Variants in KLRG1 observed in about 807,000 individuals in gnomAD.
KLRG1 encodes the protein killer cell lectin-like receptor subfamily G member 1.
KLRG1 carries 16 observed loss-of-function variants against 21.8 expected under a neutral mutation model. The ratio of observed to expected loss-of-function variants is 0.73; its 90% CI spans 0.50 to 1.11. The LOEUF is 1.11. Among genes scored for constraint, KLRG1 ranks in the 50% most tolerant of loss-of-function variants. KLRG1 has a pLI of 0.00. For missense variants in KLRG1, 173 were observed against 218.3 expected (o/e 0.79, Z 1.31); for synonymous variants, 69 against 75.9 (o/e 0.91, Z 0.47).
chr12:9,190,060 C>G, the KLRG1 span, among the ~76,000 whole-genome samples: 1 of 152,044 alleles, frequency 6.6e-6, no homozygotes, highest in Non-Finnish European at 1.5e-5. Flanking sequence ...TAAATTAGTT[C>G]AGCCATTATG....
At chr12:9,176,263 T>C in the KLRG1 span, among the ~76,000 whole-genome samples, 1 of 151,922 alleles carries the variant, frequency 6.6e-6, no homozygotes, top group Non-Finnish European at 1.5e-5. Context: ...ATGATGAGAA[T>C]ACATGGGGGA....
chr12:8,980,104 T>G (rs1946730229), intron 1 of KLRG1, among the ~76,000 whole-genome samples: 2 of 152,110 alleles, frequency 1.3e-5, no homozygotes, highest in East Asian at 3.8e-4. Context: ...TTTCACCATG[T>G]TAGCCAGGCT....
At chr12:9,077,491 G>T in the KLRG1 span, 3 of 1,501,756 alleles carry the variant, frequency 2.0e-6, no homozygotes, top group African/African-American at 1.4e-5. Context: ...TTTCTATTCT[G>T]CTGTGTCATG....
chr12:9,009,863 T>G lies in KLRG1; in HGVS notation c.*326T>G. The stretch of plus-strand genomic sequence containing the variant: ...AACCATCTCTGTCAAAAATATACCT[T>G]TTTCATATGATATTCTGAGCTAATC... On this transcript the variant is annotated 3_prime_UTR_variant, in exon 5 of 5. Transcript: ENST00000356986. 1 of 1,476,620 alleles carries G rather than the reference T, an allele frequency of 6.8e-7. No homozygotes were observed. Among genetic ancestry groups the G allele is most frequent in the East Asian group, 2.5e-5 (1 of 39,710 alleles). The allele number at this position is 1,476,620 out of a possible 1,614,324, so 91.5% of individuals were successfully genotyped here. A position where few individuals can be genotyped will look rare whatever the true frequency, so the allele number is the denominator to read the frequency against.
chr12:9,076,262 G>A, the KLRG1 span, among the ~76,000 whole-genome samples: 1 of 152,216 alleles, frequency 6.6e-6, no homozygotes, highest in Non-Finnish European at 1.5e-5. Context: ...GATTTGCTAT[G>A]TGACATGTAC....
the KLRG1 span, among the ~76,000 whole-genome samples, chr12:9,046,511 T>G: frequency 6.6e-6 from 1 of 151,484 alleles, no homozygotes; most frequent in Non-Finnish European, 1.5e-5. Context: ...GAAGCTAGAG[T>G]GAGGGAAAGC....
the KLRG1 span, chr12:9,104,525 C>T: frequency 1.0e-6 from 1 of 990,244 alleles, no homozygotes. Flanking sequence ...GAGGACACAG[C>T]AGTGAAAAAA....
At chr12:9,158,634 GT>G in the KLRG1 span, 1 of 1,549,636 alleles carries the variant, frequency 6.5e-7, no homozygotes, top group Non-Finnish European at 8.8e-7. Context: ...TTACTGCTCT[GT>G]TTTGTACACA....
the KLRG1 span, chr12:9,169,009 C>T: frequency 7.0e-7 from 1 of 1,437,738 alleles, no homozygotes; most frequent in Non-Finnish European, 9.8e-7. Flanking sequence ...TACTTGTAAG[C>T]TTGATTAGAA....
At chr12:9,049,812 G>C in the KLRG1 span, among the ~76,000 whole-genome samples, 7 of 152,134 alleles carry the variant, frequency 4.6e-5, no homozygotes, top group African/African-American at 1.7e-4. Flanking sequence ...TAAGTGTAGG[G>C]GAAGCATATA....
chr12:9,059,280 G>T, the KLRG1 span, among the ~76,000 whole-genome samples: 2 of 152,088 alleles, frequency 1.3e-5, no homozygotes, highest in East Asian at 3.9e-4. Context: ...ATTATATCTT[G>T]CCCTGAAATG....
Position 9,009,160 on chromosome 12 carries a change from A to G in KLRG1, c.458+85A>G, listed in dbSNP as rs1446795852. 7 of 1,063,436 alleles carry G rather than the reference A, an allele frequency of 6.6e-6. No individual in the cohort carries two copies. In the East Asian group the frequency reaches 1.7e-4, roughly 26 times the overall value. The allele number at this position is 1,063,436 out of a possible 1,614,324, so 65.9% of individuals were successfully genotyped here. A position where few individuals can be genotyped will look rare whatever the true frequency, so the allele number is the denominator to read the frequency against. Reference sequence around the variant, plus strand: ...GATACTTGGGGAATAGATAAAGAAGAGCAGATGGAGAGGAGAGGAAAGAAT... The same window carrying G: ...GATACTTGGGGAATAGATAAAGAAGGGCAGATGGAGAGGAGAGGAAAGAAT... On this transcript the variant is annotated intron_variant, in intron 4 of 4. Transcript: ENST00000356986.
chr12:9,081,307 T>G, the KLRG1 span, among the ~76,000 whole-genome samples: 1 of 152,144 alleles, frequency 6.6e-6, no homozygotes, highest in East Asian at 1.9e-4. Flanking sequence ...TGGCAAAAAT[T>G]AAAATTAAAA....
chr12:9,079,919 G>A, the KLRG1 span: 2 of 1,196,374 alleles, frequency 1.7e-6, no homozygotes, highest in South Asian at 4.2e-5. Context: ...AGAATTTTTA[G>A]GAAGGATGAT....
At chr12:9,150,424 AG>A in the KLRG1 span, among the ~76,000 whole-genome samples, 1 of 152,186 alleles carries the variant, frequency 6.6e-6, no homozygotes, top group Non-Finnish European at 1.5e-5. Flanking sequence ...CTGGGATTAC[AG>A]GCACACACCA....
the KLRG1 span, among the ~76,000 whole-genome samples, chr12:9,047,991 T>G: frequency 6.6e-6 from 1 of 152,208 alleles, no homozygotes; most frequent in African/African-American, 2.4e-5. Context: ...AGCATATAGT[T>G]GAATTGAATA....
chr12:9,123,107 A>G, the KLRG1 span, among the ~76,000 whole-genome samples: 6 of 152,192 alleles, frequency 3.9e-5, no homozygotes, highest in African/African-American at 1.4e-4. Flanking sequence ...ACTGGTACAA[A>G]TATTTTAGGA....
the KLRG1 span, among the ~76,000 whole-genome samples, chr12:9,100,151 G>A: frequency 6.6e-6 from 1 of 152,228 alleles, no homozygotes; most frequent in Admixed American, 6.5e-5. Context: ...GCAAGAGTCC[G>A]CTTCAGTCGG....
At chr12:9,071,837 A>T in the KLRG1 span, among the ~76,000 whole-genome samples, 1 of 152,174 alleles carries the variant, frequency 6.6e-6, no homozygotes, top group South Asian at 2.1e-4. Context: ...TTTCCTGAAT[A>T]GTATCTCCAA....
Sources: allele counts gnomAD v4.1 joint callset (sites outside exome capture counted in the v4.1 genomes callset), GRCh38; gene constraint gnomAD v4.1.1; transcripts MANE v1.5; gene names NCBI Gene and HGNC (gene_info 2026-07-23, HGNC 2026-07-21).